The following ABCC6 variants were observed in gnomAD, a reference collection of about 807,000 sequenced individuals.
ABCC6 encodes the protein ATP-binding cassette sub-family C member 6.
A neutral mutation model predicts 169.5 loss-of-function variants in ABCC6; 126 were observed. The ratio of observed to expected loss-of-function variants is 0.74; its 90% CI spans 0.64 to 0.86. ABCC6 has a LOEUF of 0.86. Ranked by LOEUF, ABCC6 falls within the 40% of genes least tolerant of loss-of-function variation. ABCC6 has a pLI of 0.00. For synonymous variants in ABCC6, 752 were observed against 814.7 expected, an observed-to-expected ratio of 0.92 and a Z score of 1.31; for missense variants, 1,733 against 1,927.2, an observed-to-expected ratio of 0.90 and a Z score of 1.89.
In ABCC6 at chr16:16,165,617, C is replaced by T. The variant is rs2046848089; in HGVS notation, c.3306+6G>A. On this transcript the variant is annotated splice_donor_region_variant and intron_variant, in intron 23 of 30. Coordinates refer to ENST00000205557, the MANE Select transcript of ABCC6 (RefSeq NM_001171.6). ...GGTCCCGGAAGCCTCCCTGACCTCT[C>T]CGTACCTGAAACCCAGCGTAGAGGA... 2 of 1,612,898 alleles carry T rather than the reference C, an allele frequency of 1.2e-6. No individual in the cohort carries two copies. The highest frequency in any genetic ancestry group is 2.7e-5 in the African/African-American group (2 of 74,910).
At chr16:16,151,735 CTCT>C (rs895831280) in intron 29 of ABCC6, among the ~76,000 whole-genome samples, 2 of 152,174 alleles carry the variant, frequency 1.3e-5, no homozygotes, top group Non-Finnish European at 2.9e-5. Flanking sequence ...TATTATTGTT[CTCT>C]TCTTTTGAGA....
intron 18 of ABCC6, among the ~76,000 whole-genome samples, chr16:16,178,046 C>A (rs1322128414): frequency 3.3e-5 from 5 of 151,830 alleles, no homozygotes; most frequent in Non-Finnish European, 7.4e-5. Context: ...AAATGTACGG[C>A]CGAGCGCAGT....
chr16:16,186,541 A>G (rs1452580533), intron 14 of ABCC6, among the ~76,000 whole-genome samples: 2 of 151,378 alleles, frequency 1.3e-5, no homozygotes, highest in Non-Finnish European at 2.9e-5. Context: ...AGATTCTCAA[A>G]GGAGCACGAA....
Position 16,161,539 on chromosome 16 carries a change from G to A in ABCC6, c.3532C>T (p.Leu1178=). The change falls in exon 25 of 31, where the codon CTG becomes TTG. Residue 1178 remains leucine (L), a synonymous_variant. Transcript: ENST00000205557. Reference sequence around the variant, plus strand: ...GCTGCAAACACCAGGCCATTCCCCAGGAGCTCCACATTGGCCGCAAGCCAC... The same window carrying A: ...GCTGCAAACACCAGGCCATTCCCCAAGAGCTCCACATTGGCCGCAAGCCAC... ...DRWLAANVEL[L]GNGLVFAAAT... The A allele has an allele frequency of 6.2e-7, 1 of 1,613,946 alleles. No individual in the cohort carries two copies. The highest frequency in any genetic ancestry group is 8.5e-7 in the Non-Finnish European group (1 of 1,180,024).
intron 11 of ABCC6, among the ~76,000 whole-genome samples, chr16:16,191,391 C>T (rs1479273029): frequency 6.6e-6 from 1 of 152,096 alleles, no homozygotes; most frequent in Non-Finnish European, 1.5e-5. Context: ...GCTGGGATTA[C>T]AGGTGTGGCC....
intron 23 of ABCC6, among the ~76,000 whole-genome samples, chr16:16,163,915 C>G (rs1229147159): frequency 6.6e-6 from 1 of 152,150 alleles, no homozygotes; most frequent in East Asian, 1.9e-4. Flanking sequence ...GTGATAGAGC[C>G]TGGATTTAAA....
rs547883096 is a variant in ABCC6 at position 16,214,648 on chromosome 16, A to G, written c.475-199T>C. Among the ~76,000 whole-genome samples the G allele has an allele frequency of 3.9e-3, 594 of 152,134 alleles. 7 individuals carry two copies. The highest frequency in any genetic ancestry group is 5.9e-3 in the Non-Finnish European group (401 of 67,992). ...AAGACAAAGTCTCACTTGGTCGCCC[A>G]GGCTGAAGTGCAGTGGCATGATCTC... is the stretch of plus-strand genomic sequence containing the variant. On this transcript the variant is annotated intron_variant, in intron 4 of 30. Transcript: ENST00000205557.
intron 27 of ABCC6, 81 bp from the exon 28 acceptor site, chr16:16,155,112 G>A (rs1015662849): frequency 8.8e-6 from 13 of 1,478,214 alleles, no homozygotes; most frequent in South Asian, 6.2e-5. Flanking sequence ...TGCTGTACCC[G>A]AGATCTGTCT....
intron 10 of ABCC6, among the ~76,000 whole-genome samples, chr16:16,195,168 T>C (rs1454029980): frequency 6.6e-6 from 1 of 152,088 alleles, no homozygotes; most frequent in Non-Finnish European, 1.5e-5. Context: ...CATTAAACTG[T>C]AGCAACCTCA....
In ABCC6 at chr16:16,181,358, A is replaced by G. The variant is rs1240431146; in HGVS notation, c.2247+1054T>C. Among the ~76,000 whole-genome samples the G allele has an allele frequency of 7.9e-4, 98 of 124,298 alleles. 1 individual carries two copies. The highest frequency in any genetic ancestry group is 1.3e-3 in the Admixed American group (15 of 11,524). The allele number at this position is 124,298 out of a possible 152,430, so 81.5% of individuals were successfully genotyped here. A position where few individuals can be genotyped will look rare whatever the true frequency, so the allele number is the denominator to read the frequency against. On this transcript the variant is annotated intron_variant, in intron 17 of 30. Coordinates refer to ENST00000205557, the MANE Select transcript of ABCC6 (RefSeq NM_001171.6). ...ACTCCGTCTCAGAAAAAAAAAAAAA[A>G]AAAAAAAAAAGAGAAAAAGCAGGTG...
In ABCC6 at chr16:16,156,889, T is replaced by C. The variant is rs1240508898; in HGVS notation, c.3882+774A>G. ...ATCTGGGAGGCGGAGGTTGCAGTGA[T>C]CTAAGGTCACACCACTGCACTCCAG... On this transcript the variant is annotated intron_variant, in intron 27 of 30. Transcript: ENST00000205557. 5.6e-5 allele frequency among the ~76,000 whole-genome samples: 8 copies of C among 143,530 alleles called. No homozygotes were observed. The Admixed American group carries it at 5.8e-4, about 10-fold the overall frequency. The allele number at this position is 143,530 out of a possible 152,430, so 94.2% of individuals were successfully genotyped here. A position where few individuals can be genotyped will look rare whatever the true frequency, so the allele number is the denominator to read the frequency against.
At chr16:16,166,485 C>T (rs6498606) in intron 22 of ABCC6, among the ~76,000 whole-genome samples, 110,746 of 151,810 alleles carry the variant, frequency 0.73, 42,861 homozygotes, top group South Asian at 0.9. Context: ...ATGAAGATGG[C>T]GACACAGATG....
In ABCC6 at chr16:16,150,390, C is replaced by T. The variant is rs1195330832; in HGVS notation, c.4404-149G>A. The T allele has an allele frequency of 1.1e-5, 16 of 1,520,308 alleles. No homozygotes were observed. The East Asian group carries it at 1.5e-4, about 14-fold the overall frequency. 94.2% of individuals were successfully genotyped at this position (1,520,308 alleles called of 1,614,324 possible). A position where few individuals can be genotyped will look rare whatever the true frequency, so the allele number is the denominator to read the frequency against. On this transcript the variant is annotated intron_variant, in intron 30 of 30. Transcript: ENST00000205557. ...CTGGCCCTCACAGCTGGGTTGGAAG[C>T]GTGTGCTGGGCGCATGTCCTTGGGC...
rs2047317627 is a variant in ABCC6 at position 16,177,509 on chromosome 16, C to T, written c.2533G>A (p.Gly845Arg). The T allele has an allele frequency of 6.2e-7, 1 of 1,614,044 alleles. No individual in the cohort carries two copies. Among genetic ancestry groups the T allele is most frequent in the East Asian group, 2.2e-5 (1 of 44,884 alleles). Reference protein sequence around the residue: ...GSYQELLQRKGALMCLLDQAR... With the variant: ...GSYQELLQRKRALMCLLDQAR... ...TGATCCAGAAGACACATGAGGGCCC[C>T]CTTCCTCTGCAGAAGCTCCTGGTAG... Residue 845 changes from glycine to arginine, a missense_variant, in exon 19 of 31, where the codon GGG becomes AGG. Transcript: ENST00000205557.
At chr16:16,155,330 T>C in intron 27 of ABCC6, 2 of 514,514 alleles carry the variant, frequency 3.9e-6, no homozygotes, top group Non-Finnish European at 7.0e-6. Flanking sequence ...CTCTCCATCA[T>C]CTCTCATCCT....
chr16:16,198,315 CT>C, intron 9 of ABCC6, 133 bp from the exon 10 acceptor site: 1 of 894,276 alleles, frequency 1.1e-6, no homozygotes, highest in African/African-American at 1.7e-5. Flanking sequence ...TTAGGCCAAC[CT>C]CTCAGGGCTC....
intron 20 of ABCC6, 112 bp from the exon 21 acceptor site, chr16:16,173,516 T>A (rs2047177891): frequency 2.4e-6 from 3 of 1,270,572 alleles, no homozygotes; most frequent in African/African-American, 1.5e-5. Flanking sequence ...CACTCTGTAC[T>A]CTTTCATTCA....
rs1207983344 is a variant in ABCC6, at chr16:16,190,172, T to G, written c.1627A>C (p.Thr543Pro). Residue 543 changes from threonine to proline, a missense_variant, in exon 12 of 31, where the codon ACA becomes CCA. Transcript: ENST00000205557. ...GACTAGAGTGACGTCACCAGAAATG[T>G]AGACACTTGGAAGGACACCAGCGAC... ...SVSLVSFQVS[T>P]FLVALVVFAV... 6.2e-7 allele frequency: 1 copy of G among 1,613,448 alleles called. No individual in the cohort carries two copies.
intron 20 of ABCC6, among the ~76,000 whole-genome samples, chr16:16,174,092 A>G (rs2047194807): frequency 6.6e-6 from 1 of 152,190 alleles, no homozygotes; most frequent in Non-Finnish European, 1.5e-5. Flanking sequence ...ATCTACATAT[A>G]CATGTCTACC....
Sources: gnomAD v4.1 joint callset for allele counts (sites outside exome capture counted in the v4.1 genomes callset) on GRCh38, gnomAD v4.1.1 for gene constraint, MANE v1.5 for transcripts, NCBI Gene and HGNC (gene_info 2026-07-23, HGNC 2026-07-21) for gene names.